ITPR1: variants seen among roughly 807,000 people sequenced by gnomAD.
The protein encoded by ITPR1 is inositol 1,4,5-trisphosphate-gated calcium channel ITPR1.
In ITPR1, 96 loss-of-function variants were observed where a neutral mutation model predicts 318.4. The observed-to-expected ratio is 0.30, with a 90% CI of 0.26 to 0.36. The LOEUF (loss-of-function observed/expected upper bound fraction) is 0.36, where lower values mean the gene tolerates loss of function less well. Among genes scored for constraint, ITPR1 ranks in the 10% least tolerant of loss-of-function variants. The probability of loss-of-function intolerance (pLI) is 1.00; values close to 1 mark genes in which losing one functional copy is unlikely to be tolerated. For synonymous variants in ITPR1, 1,312 were observed against 1,289.9 expected (o/e 1.02, Z -0.37); for missense variants, 2,440 against 3,460.2 (o/e 0.71, Z 7.40).
intron 52 of ITPR1, among the ~76,000 whole-genome samples, chr3:4,788,371 T>C (rs2047337884): frequency 6.6e-6 from 1 of 152,212 alleles, no homozygotes; most frequent in African/African-American, 2.4e-5. Flanking sequence ...TTGACTTGAT[T>C]TGATTGGAAA....
chr3:4,673,473 A>G, intron 21 of ITPR1, 86 bp downstream of exon 21: 1 of 1,290,020 alleles, frequency 7.8e-7, no homozygotes. Context: ...TCTTAGAAGA[A>G]AGATGAAGTG....
intron 44 of ITPR1, among the ~76,000 whole-genome samples, chr3:4,765,594 T>C (rs930651666): frequency 2.6e-5 from 4 of 152,174 alleles, no homozygotes; most frequent in African/African-American, 9.7e-5. Context: ...AGTGCCATCT[T>C]TCCAAATGGA....
At chr3:4,803,313 T>C (rs1156576142) in intron 54 of ITPR1, among the ~76,000 whole-genome samples, 1 of 152,200 alleles carries the variant, frequency 6.6e-6, no homozygotes, top group Non-Finnish European at 1.5e-5. Flanking sequence ...ACTGCCACTC[T>C]GGGTCCCTTT....
At chr3:4,743,754 G>GGAAGCAGAATGTTAATCCAAAGTTCCAAA (rs2125333019) in intron 44 of ITPR1, among the ~76,000 whole-genome samples, 1 of 152,268 alleles carries the variant, frequency 6.6e-6, no homozygotes, top group East Asian at 1.9e-4. Flanking sequence ...AAGGGGGAGG[G>GGAAGCAGAATGTTAATCCAAAGTTCCAAA]GAAGAACTTT....
intron 12 of ITPR1, among the ~76,000 whole-genome samples, chr3:4,656,599 G>A (rs2125180588): frequency 6.6e-6 from 1 of 152,328 alleles, no homozygotes; most frequent in East Asian, 1.9e-4. Context: ...AACACACATA[G>A]AGGTTGGGGG....
intron 4 of ITPR1, among the ~76,000 whole-genome samples, chr3:4,579,009 G>A (rs572963047): frequency 6.6e-6 from 1 of 152,230 alleles, no homozygotes; most frequent in South Asian, 2.1e-4. Flanking sequence ...TGATATTGCT[G>A]ATTTTGCTTC....
Position 4,697,317 on chromosome 3 carries a change from T to TGTGTGTGTGTGA in ITPR1, c.4407+56_4407+57insAGTGTGTGTGTG, listed in dbSNP as rs776591692. On this transcript the variant is annotated intron_variant, in intron 34 of 61. Transcript: ENST00000649015. ...GGAGGCAGAGTTGGAGAGTGAGAGGTGTGTGTGTGTGTGTGTGTGTGTGTG... is the reference window on the plus strand; with the variant it reads ...GGAGGCAGAGTTGGAGAGTGAGAGGTGTGTGTGTGTGAGTGTGTGTGTGTGTGTGTGTGTGTG... 4.8e-4 allele frequency: 423 copies of TGTGTGTGTGTGA among 881,332 alleles called. 3 individuals carry two copies. The African/African-American group carries it at 0.011, about 23-fold the overall frequency. The allele number at this position is 881,332 out of a possible 1,614,324, so 54.6% of individuals were successfully genotyped here. A position where few individuals can be genotyped will look rare whatever the true frequency, so the allele number is the denominator to read the frequency against.
chr3:4,616,568 A>G (rs745417834), intron 4 of ITPR1, among the ~76,000 whole-genome samples: 48 of 152,218 alleles, frequency 3.2e-4, no homozygotes, highest in Non-Finnish European at 5.7e-4. Flanking sequence ...ATTTCATCTC[A>G]TATAAAATTG....
chr3:4,813,057 T>G, intron 56 of ITPR1, 85 bp from the exon 57 acceptor site: 3 of 945,648 alleles, frequency 3.2e-6, no homozygotes, highest in Non-Finnish European at 5.2e-6. Flanking sequence ...AAAGAATTGT[T>G]TAATCAGCCG....
intron 6 of ITPR1, among the ~76,000 whole-genome samples, chr3:4,641,789 C>T (rs1279420272): frequency 2.0e-5 from 3 of 152,238 alleles, no homozygotes; most frequent in African/African-American, 7.2e-5. Context: ...GGGCTAGGTC[C>T]ACCCCACTGA....
chr3:4,656,076 CACTT>C (rs1279682477), intron 12 of ITPR1, among the ~76,000 whole-genome samples: 1 of 152,214 alleles, frequency 6.6e-6, no homozygotes, highest in Non-Finnish European at 1.5e-5. Flanking sequence ...ACCCTGAAGA[CACTT>C]GCTTGGTGCC....
intron 29 of ITPR1, 91 bp from the exon 30 acceptor site, chr3:4,684,978 C>A: frequency 7.8e-7 from 1 of 1,278,570 alleles, no homozygotes; most frequent in Non-Finnish European, 1.1e-6. Flanking sequence ...CATTATAATC[C>A]CCTTTGCCTC....
intron 4 of ITPR1, among the ~76,000 whole-genome samples, chr3:4,600,018 C>T (rs1429783519): frequency 6.6e-6 from 1 of 152,186 alleles, no homozygotes; most frequent in African/African-American, 2.4e-5. Flanking sequence ...GCCTGATGTG[C>T]TTTATCGCTG....
chr3:4,722,217 A>G (rs1293921628), intron 40 of ITPR1, among the ~76,000 whole-genome samples: 1 of 152,206 alleles, frequency 6.6e-6, no homozygotes, highest in Non-Finnish European at 1.5e-5. Flanking sequence ...CACTGGGAAG[A>G]CAAGATTGCA....
chr3:4,779,680 G>C lies in ITPR1; in HGVS notation c.6387+35G>C. 1 of 1,421,580 alleles carries C rather than the reference G, an allele frequency of 7.0e-7. No individual in the cohort carries two copies. The highest frequency in any genetic ancestry group is 9.9e-7 in the Non-Finnish European group (1 of 1,006,712). The allele number at this position is 1,421,580 out of a possible 1,614,324, so 88.1% of individuals were successfully genotyped here. ...GTGACGGATCTGATGGTAGCACCAA[G>C]GAGCATTGCGACGATATTTGGGACA... On this transcript the variant is annotated intron_variant, in intron 49 of 61. Transcript: ENST00000649015. The surrounding 1 kb of genome is among the most constrained non-coding windows in gnomAD (Gnocchi z 4.0).
At chr3:4,766,087 A>G (rs939347791) in intron 44 of ITPR1, among the ~76,000 whole-genome samples, 1 of 152,306 alleles carries the variant, frequency 6.6e-6, no homozygotes, top group Middle Eastern at 3.4e-3. Context: ...AAGGCAGCAT[A>G]TCTTATTCAT....
At chr3:4,663,246 G>C in intron 16 of ITPR1, 40 bp downstream of exon 16, 1 of 1,565,940 alleles carries the variant, frequency 6.4e-7, no homozygotes, top group Non-Finnish European at 8.7e-7. Flanking sequence ...GGCTTTATGA[G>C]AAATCATAAA....
At chr3:4,841,830 G>C (rs909999279) in intron 61 of ITPR1, among the ~76,000 whole-genome samples, 4 of 152,178 alleles carry the variant, frequency 2.6e-5, no homozygotes, top group African/African-American at 9.7e-5. Flanking sequence ...AATCTGAATT[G>C]TATCTATACA....
chr3:4,582,733 A>C (rs1575603351), intron 4 of ITPR1, among the ~76,000 whole-genome samples: 1 of 151,468 alleles, frequency 6.6e-6, no homozygotes, highest in East Asian at 1.9e-4. Flanking sequence ...ACCATCTGTT[A>C]GATTTTTTCT....
Sources: allele counts gnomAD v4.1 joint callset (sites outside exome capture counted in the v4.1 genomes callset), GRCh38; gene constraint gnomAD v4.1.1; non-coding constraint Gnocchi (gnomAD v3.1); transcripts MANE v1.5; gene names NCBI Gene and HGNC (gene_info 2026-07-23, HGNC 2026-07-21).